Variants in RGS3 observed in about 807,000 individuals in gnomAD.
RGS3 encodes regulator of G protein signaling 3, also known as regulator of G-protein signalling 3.
Under a neutral mutation model 132.6 loss-of-function variants are expected in RGS3, and 80 were observed. The observed-to-expected ratio is 0.60, with a 90% CI of 0.50 to 0.73. The LOEUF (loss-of-function observed/expected upper bound fraction) is 0.73. Ranked by LOEUF, RGS3 falls within the 30% of genes least tolerant of loss-of-function variation. RGS3 has a pLI of 0.00. For synonymous variants in RGS3, 598 were observed against 620.6 expected (o/e 0.96, Z 0.54); for missense variants, 1,382 against 1,530.8 (o/e 0.90, Z 1.62).
At chr9:113,450,317 C>T (rs573678005) in intron 1 of RGS3, among the ~76,000 whole-genome samples, 24 of 151,972 alleles carry the variant, frequency 1.6e-4, no homozygotes, top group African/African-American at 4.4e-4. Context: ...GTGATCCACC[C>T]GCCTTGGCCT....
rs559243862 is a variant in RGS3 at position 113,550,160 on chromosome 9, C to T, written c.2037+13242C>T. Among the ~76,000 whole-genome samples the T allele has an allele frequency of 5.9e-5, 9 of 152,240 alleles. No homozygotes were observed. The South Asian group carries it at 1.7e-3, about 28-fold the overall frequency. On this transcript the variant is annotated intron_variant, in intron 19 of 24. Coordinates refer to ENST00000350696, the Ensembl canonical transcript of RGS3. The stretch of plus-strand genomic sequence containing the variant: ...GGGTGGATCGCTGAGGTCAGGAGTT[C>T]GAGACCAGTCTAGCCAACATGGTGA...
intron 19 of RGS3, among the ~76,000 whole-genome samples, chr9:113,557,755 C>T (rs1403335467): frequency 6.6e-6 from 1 of 152,126 alleles, no homozygotes; most frequent in Non-Finnish European, 1.5e-5. Context: ...AGAGCGCCTA[C>T]TGGGAGGACC....
At chr9:113,561,720 G>A (rs1013615990) in intron 19 of RGS3, among the ~76,000 whole-genome samples, 9 of 151,994 alleles carry the variant, frequency 5.9e-5, no homozygotes, top group South Asian at 2.1e-4. Context: ...GGTCTTGGGA[G>A]CATAAACCCA....
intron 3 of RGS3, among the ~76,000 whole-genome samples, chr9:113,471,001 G>T (rs1829812466): frequency 6.6e-6 from 1 of 152,076 alleles, no homozygotes; most frequent in African/African-American, 2.4e-5. Context: ...TATAGGCAGA[G>T]AGTTGTTGTT....
chr9:113,491,990 A>G (rs1830535867), intron 7 of RGS3, among the ~76,000 whole-genome samples: 1 of 152,230 alleles, frequency 6.6e-6, no homozygotes, highest in Non-Finnish European at 1.5e-5. Flanking sequence ...TGCCAAGTAC[A>G]GTGGCCTAAC....
chr9:113,547,971 C>T (rs1833182503), intron 19 of RGS3, among the ~76,000 whole-genome samples: 1 of 152,134 alleles, frequency 6.6e-6, no homozygotes, highest in Non-Finnish European at 1.5e-5. Context: ...GGAAGCTGAC[C>T]ACCATTTATA....
chr9:113,484,094 G>C, intron 5 of RGS3, 44 bp from the exon 4 acceptor site: 1 of 1,190,106 alleles, frequency 8.4e-7, no homozygotes, highest in Non-Finnish European at 1.3e-6. Context: ...GGCTTAGGTG[G>C]GCCATGAGAT....
At chr9:113,560,394 C>T (rs111527078) in intron 19 of RGS3, among the ~76,000 whole-genome samples, 5,984 of 151,266 alleles carry the variant, frequency 0.04, 161 homozygotes, top group South Asian at 0.1. Context: ...CCCGTGCCAC[C>T]AGGAAGAGCA....
Position 113,579,442 on chromosome 9 carries a change from G to A in RGS3, c.2038-4008G>A, listed in dbSNP as rs1001473110. 6.6e-6 allele frequency among the ~76,000 whole-genome samples: 1 copy of A among 152,216 alleles called. No homozygotes were observed. Among genetic ancestry groups the A allele is most frequent in the African/African-American group, 2.4e-5 (1 of 41,448 alleles). On this transcript the variant is annotated intron_variant, in intron 19 of 24. Transcript: ENST00000350696. The surrounding 1 kb of genome is among the most constrained non-coding windows in gnomAD (Gnocchi z 4.3). ...CTGGTTCATTTCCTGTGTGCTTACAGCAGATGAGACATGGGCAGAATTAAC... is the reference window on the plus strand; with the variant it reads ...CTGGTTCATTTCCTGTGTGCTTACAACAGATGAGACATGGGCAGAATTAAC...
intron 14 of RGS3, 138 bp from the exon 13 acceptor site, chr9:113,514,320 G>C (rs182186784): frequency 1.3e-6 from 1 of 744,856 alleles, no homozygotes; most frequent in Non-Finnish European, 2.2e-6. Context: ...TTTCAGCATC[G>C]TGCGCAGGGC....
At chr9:113,519,049 T>C (rs556863961) in intron 16 of RGS3, among the ~76,000 whole-genome samples, 1 of 152,314 alleles carries the variant, frequency 6.6e-6, no homozygotes, top group South Asian at 2.1e-4. Flanking sequence ...GCACTTATTG[T>C]GTATCCTCAT....
chr9:113,472,775 G>T (rs761874251), intron 3 of RGS3, among the ~76,000 whole-genome samples: 1 of 152,220 alleles, frequency 6.6e-6, no homozygotes, highest in South Asian at 2.1e-4. Flanking sequence ...GGCCGTGCAC[G>T]GTGGCTCAAT....
intron 15 of RGS3, among the ~76,000 whole-genome samples, chr9:113,517,046 G>T (rs1831706867): frequency 6.6e-6 from 1 of 152,258 alleles, no homozygotes; most frequent in South Asian, 2.1e-4. Context: ...GGGATTGCCT[G>T]AGAAGGAGAC....
chr9:113,486,691 C>T (rs146008305), intron 7 of RGS3, among the ~76,000 whole-genome samples: 9 of 152,270 alleles, frequency 5.9e-5, no homozygotes, highest in Non-Finnish European at 8.8e-5. Flanking sequence ...AAGGGGCTTC[C>T]GTGAATGAAA....
At chr9:113,586,000 G>C (rs911782778) in intron 20 of RGS3, among the ~76,000 whole-genome samples, 1 of 152,192 alleles carries the variant, frequency 6.6e-6, no homozygotes, top group African/African-American at 2.4e-5. Flanking sequence ...ACCAAGGGGA[G>C]GTAATTAATA....
intron 18 of RGS3, among the ~76,000 whole-genome samples, chr9:113,532,838 G>A (rs376671446): frequency 7.9e-5 from 12 of 152,292 alleles, no homozygotes; most frequent in African/African-American, 2.9e-4. Flanking sequence ...ACACCATCCT[G>A]GAGCTTAGAG....
chr9:113,525,038 G>A (rs552522455), intron 17 of RGS3, among the ~76,000 whole-genome samples: 1 of 152,172 alleles, frequency 6.6e-6, no homozygotes, highest in Non-Finnish European at 1.5e-5. Context: ...GATGGAGGGC[G>A]AGCTGCACAA....
intron 16 of RGS3, 139 bp from the exon 15 acceptor site, chr9:113,522,791 C>A: frequency 1.4e-6 from 1 of 717,044 alleles, no homozygotes; most frequent in Non-Finnish European, 2.6e-6. Flanking sequence ...GTACTGAGCA[C>A]TGCTCCTGGT....
Position 113,495,968 on chromosome 9 carries a change from G to A in RGS3, c.750+122G>A, listed in dbSNP as rs940719875. ...TGTGAGATGGTGCCCCACTGAGACA[G>A]GTGCCCTGTGGGGTGGCCTGCATAG... On this transcript the variant is annotated intron_variant, in intron 8 of 24. Coordinates refer to ENST00000350696, the Ensembl canonical transcript of RGS3. The A allele has an allele frequency of 3.5e-5, 30 of 863,120 alleles. 1 individual carries two copies. In the African/African-American group the frequency reaches 4.5e-4, roughly 13 times the overall value. 53.5% of individuals were successfully genotyped at this position (863,120 alleles called of 1,614,324 possible).
Sources: gnomAD v4.1 joint callset for allele counts (sites outside exome capture counted in the v4.1 genomes callset) on GRCh38, gnomAD v4.1.1 for gene constraint, Gnocchi (gnomAD v3.1) non-coding constraint, MANE v1.5 for transcripts, NCBI Gene and HGNC (gene_info 2026-07-23, HGNC 2026-07-21) for gene names.